CNTN4: variants seen among roughly 807,000 people sequenced by gnomAD.
CNTN4 encodes the protein contactin 4.
Under a neutral mutation model 122.5 loss-of-function variants are expected in CNTN4, and 77 were observed. The observed-to-expected ratio is 0.63, with a 90% CI of 0.52 to 0.76. The LOEUF is 0.76. Among genes scored for constraint, CNTN4 ranks in the 30% least tolerant of loss-of-function variants. The pLI is 0.00. For synonymous variants in CNTN4, 512 were observed against 447.0 expected (o/e 1.15, Z -1.83); for missense variants, 1,256 against 1,259.1 (o/e 1.00, Z 0.04).
intron 4 of CNTN4, among the ~76,000 whole-genome samples, chr3:2,706,758 T>A (rs1354008432): frequency 6.6e-6 from 1 of 152,170 alleles, no homozygotes; most frequent in Non-Finnish European, 1.5e-5. Context: ...AACAAATTGC[T>A]AGGGTAAGAA....
At chr3:2,435,327 C>T (rs2048222043) in intron 3 of CNTN4, among the ~76,000 whole-genome samples, 1 of 152,272 alleles carries the variant, frequency 6.6e-6, no homozygotes, top group Admixed American at 6.5e-5. Flanking sequence ...AACCAATGCA[C>T]ATTCTCCTGT....
intron 3 of CNTN4, among the ~76,000 whole-genome samples, chr3:2,461,634 G>T (rs1264555711): frequency 1.3e-5 from 2 of 152,170 alleles, no homozygotes; most frequent in Admixed American, 1.3e-4. Flanking sequence ...TGAAGCCCAG[G>T]CTCTTAAGTG....
At position 2,903,003 on chromosome 3, in the gene CNTN4, T is replaced by C. The variant is rs1298157608; in HGVS notation, c.1205T>C (p.Ile402Thr). The change falls in exon 12 of 25, where the codon ATA (isoleucine) becomes ACA (threonine). Residue 402 changes from isoleucine (I) to threonine (T), a missense_variant and splice_region_variant. Physicochemically the swap from Ile to Thr is moderately conservative, Grantham distance 89. Coordinates refer to ENST00000418658, the MANE Select transcript of CNTN4 (RefSeq NM_175607.3). ...TTTTCCAACGCAGAGCTTAGTGTTA[T>C]AGGTGAGTCTTTATACTGGCAAGAA... The part of the protein sequence containing the change: ...VIFSNAELSV[I>T]AVGPDFSRTL... 1.2e-6 allele frequency: 2 copies of C among 1,613,700 alleles called. No homozygotes were observed. Among genetic ancestry groups the C allele is most frequent in the South Asian group, 1.1e-5 (1 of 91,074 alleles).
chr3:2,630,437 T>C (rs2082379500), intron 4 of CNTN4, among the ~76,000 whole-genome samples: 1 of 152,192 alleles, frequency 6.6e-6, no homozygotes, highest in Admixed American at 6.5e-5. Context: ...AGACCCTGTC[T>C]CAAAACAAAG....
At chr3:2,112,624 T>C (rs1275607418) in intron 2 of CNTN4, among the ~76,000 whole-genome samples, 1 of 152,200 alleles carries the variant, frequency 6.6e-6, no homozygotes, top group African/African-American at 2.4e-5. Context: ...TTGTATGGGA[T>C]TCAAAGAATG....
intron 4 of CNTN4, among the ~76,000 whole-genome samples, chr3:2,669,326 G>A (rs938116856): frequency 1.6e-4 from 24 of 152,250 alleles, no homozygotes; most frequent in African/African-American, 5.3e-4. Context: ...TTGGGAGGGT[G>A]TATGTGTCGA....
chr3:2,609,384 A>G (rs1278483134), intron 4 of CNTN4, among the ~76,000 whole-genome samples: 2 of 152,122 alleles, frequency 1.3e-5, no homozygotes, highest in African/African-American at 4.8e-5. Context: ...CCAGACCTCA[A>G]ATTTGCCGGC....
intron 2 of CNTN4, among the ~76,000 whole-genome samples, chr3:2,145,010 A>G (rs2035178948): frequency 6.6e-6 from 1 of 152,172 alleles, no homozygotes; most frequent in Non-Finnish European, 1.5e-5. Flanking sequence ...GATGAAAACA[A>G]TTTTGGAGGG....
chr3:2,925,851 A>C (rs1272070966), intron 13 of CNTN4, 72 bp downstream of exon 13: 6 of 1,355,228 alleles, frequency 4.4e-6, no homozygotes, highest in Non-Finnish European at 6.3e-6. Context: ...AATAATTCTA[A>C]GGGGAAGGTG....
chr3:2,170,585 T>C (rs1283919639), intron 2 of CNTN4, among the ~76,000 whole-genome samples: 3 of 152,158 alleles, frequency 2.0e-5, no homozygotes, highest in Non-Finnish European at 4.4e-5. Context: ...AGTAAAAATC[T>C]TTACAGTTTT....
At position 2,983,942 on chromosome 3, in the gene CNTN4, G is replaced by C. The variant is rs1317279575; in HGVS notation, c.1359-4403G>C. Among the ~76,000 whole-genome samples, 4 of 152,216 alleles carry C rather than the reference G, an allele frequency of 2.6e-5. No individual in the cohort carries two copies. In the East Asian group the frequency reaches 7.7e-4, roughly 29 times the overall value. On this transcript the variant is annotated intron_variant, in intron 13 of 24. Transcript: ENST00000418658. ...CCTTCTACAAATGATCTCCCTCACT[G>C]TCTTTCTCTCATCTGGAATTCTAAC...
intron 14 of CNTN4, among the ~76,000 whole-genome samples, chr3:3,012,046 C>A (rs1697283699): frequency 6.6e-6 from 1 of 152,118 alleles, no homozygotes; most frequent in African/African-American, 2.4e-5. Context: ...TTCCCACAAT[C>A]AGTCAACTAG....
intron 4 of CNTN4, among the ~76,000 whole-genome samples, chr3:2,679,354 C>T (rs1180854060): frequency 1.3e-5 from 2 of 152,058 alleles, no homozygotes. Context: ...TATGTGGCAG[C>T]TCGTACTGAA....
At chr3:2,846,137 A>T (rs1003617266) in intron 7 of CNTN4, among the ~76,000 whole-genome samples, 4 of 152,194 alleles carry the variant, frequency 2.6e-5, no homozygotes, top group African/African-American at 9.6e-5. Context: ...TAGTAAAGAA[A>T]TCTGCCCAGC....
At chr3:2,752,173 T>A (rs1188593603) in intron 6 of CNTN4, among the ~76,000 whole-genome samples, 1 of 152,198 alleles carries the variant, frequency 6.6e-6, no homozygotes, top group East Asian at 1.9e-4. Context: ...AAAAACTTAA[T>A]TGACTCATAG....
intron 14 of CNTN4, among the ~76,000 whole-genome samples, chr3:2,992,987 C>A (rs1287120620): frequency 1.3e-5 from 2 of 151,936 alleles, no homozygotes; most frequent in African/African-American, 2.4e-5. Context: ...AATAAATACC[C>A]CAATTGATCC....
chr3:2,781,740 T>G (rs1204000942), intron 6 of CNTN4, among the ~76,000 whole-genome samples: 24 of 139,154 alleles, frequency 1.7e-4, no homozygotes, highest in South Asian at 4.6e-4. Context: ...TTTTTTTTTT[T>G]TTGAGACGGA....
chr3:2,504,834 A>T (rs1349628867), intron 3 of CNTN4, among the ~76,000 whole-genome samples: 5 of 152,174 alleles, frequency 3.3e-5, no homozygotes, highest in African/African-American at 4.8e-5. Context: ...ATTCTGTAAA[A>T]TAATGGGGAT....
At chr3:2,680,710 G>A (rs2085118855) in intron 4 of CNTN4, among the ~76,000 whole-genome samples, 1 of 152,082 alleles carries the variant, frequency 6.6e-6, no homozygotes, top group Admixed American at 6.6e-5. Context: ...TGTTTTTGAA[G>A]AATCATGACA....
Sources: allele counts gnomAD v4.1 joint callset (sites outside exome capture counted in the v4.1 genomes callset), GRCh38; gene constraint gnomAD v4.1.1; transcripts MANE v1.5; gene names NCBI Gene and HGNC (gene_info 2026-07-23, HGNC 2026-07-21).